Variants in SLC2A12 observed in about 807,000 individuals in gnomAD.
The protein encoded by SLC2A12 is solute carrier family 2 member 12, also known as solute carrier family 2, facilitated glucose transporter member 12.
SLC2A12 carries 23 observed loss-of-function variants against 41.8 expected under a neutral mutation model. That is an observed-to-expected ratio of 0.55 (90% CI 0.40 to 0.78). The LOEUF is 0.78. Among genes scored for constraint, SLC2A12 ranks in the 30% least tolerant of loss-of-function variants. SLC2A12 has a pLI of 0.00. For missense variants in SLC2A12, 654 were observed against 745.6 expected (o/e 0.88, Z 1.43); for synonymous variants, 295 against 285.9 (o/e 1.03, Z -0.32).
chr6:134,008,319 A>G (rs952306753), intron 2 of SLC2A12, among the ~76,000 whole-genome samples: 3 of 152,212 alleles, frequency 2.0e-5, no homozygotes, highest in African/African-American at 7.2e-5. Context: ...AGAAGAAAAA[A>G]CTAAATTGGA....
At chr6:134,032,150 T>A (rs769969095) in intron 1 of SLC2A12, among the ~76,000 whole-genome samples, 7 of 151,856 alleles carry the variant, frequency 4.6e-5, no homozygotes, top group Non-Finnish European at 1.0e-4. Context: ...CCACAAATAC[T>A]CAAGGTATTT....
At chr6:134,051,659 C>T (rs963310056) in intron 1 of SLC2A12, among the ~76,000 whole-genome samples, 2 of 152,122 alleles carry the variant, frequency 1.3e-5, no homozygotes, top group African/African-American at 4.8e-5. Context: ...GAAGACCAGC[C>T]TCTGATTTAT....
chr6:133,991,551 A>G (rs948089184), intron 4 of SLC2A12, among the ~76,000 whole-genome samples: 3 of 152,094 alleles, frequency 2.0e-5, no homozygotes, highest in Non-Finnish European at 4.4e-5. Context: ...CTCTGTGGGG[A>G]AGGATTCCAA....
At chr6:134,023,244 A>G (rs772573255) in intron 2 of SLC2A12, among the ~76,000 whole-genome samples, 2 of 152,216 alleles carry the variant, frequency 1.3e-5, no homozygotes, top group Non-Finnish European at 2.9e-5. Flanking sequence ...TGACTTCTGG[A>G]AGGGTATCCC....
chr6:134,002,186 T>A, intron 3 of SLC2A12, 57 bp from the exon 4 acceptor site: 1 of 1,560,312 alleles, frequency 6.4e-7, no homozygotes, highest in Non-Finnish European at 8.6e-7. Flanking sequence ...TTGATCCCAT[T>A]TGTGAACAGC....
chr6:134,040,076 T>C (rs1777362207), intron 1 of SLC2A12, among the ~76,000 whole-genome samples: 2 of 151,554 alleles, frequency 1.3e-5, no homozygotes, highest in Non-Finnish European at 2.9e-5. Flanking sequence ...TTTTTTGTTT[T>C]TTGTTTTTTG....
chr6:134,041,518 G>A (rs1385493677), intron 1 of SLC2A12, among the ~76,000 whole-genome samples: 1 of 152,072 alleles, frequency 6.6e-6, no homozygotes, highest in Non-Finnish European at 1.5e-5. Context: ...AGAAAGGGAA[G>A]TGATAATGAC....
chr6:134,047,676 C>T (rs1029358373), intron 1 of SLC2A12, among the ~76,000 whole-genome samples: 3 of 152,226 alleles, frequency 2.0e-5, no homozygotes, highest in Admixed American at 1.3e-4. Flanking sequence ...TACCACCAGG[C>T]CTATTCCTGG....
intron 1 of SLC2A12, among the ~76,000 whole-genome samples, chr6:134,036,120 T>C (rs1777294924): frequency 6.6e-6 from 1 of 152,262 alleles, no homozygotes; most frequent in African/African-American, 2.4e-5. Context: ...ACTTGCCAGC[T>C]GACTAAATCC....
intron 1 of SLC2A12, among the ~76,000 whole-genome samples, chr6:134,038,590 C>T (rs1413343849): frequency 6.6e-6 from 1 of 151,130 alleles, no homozygotes; most frequent in East Asian, 1.9e-4. Context: ...GCACACCTGG[C>T]CTCAAGTGAT....
At chr6:134,040,040 C>T (rs1375819746) in intron 1 of SLC2A12, among the ~76,000 whole-genome samples, 2 of 149,826 alleles carry the variant, frequency 1.3e-5, no homozygotes, top group African/African-American at 2.5e-5. Flanking sequence ...ATTATCCAAT[C>T]TCAGGTTGTT....
chr6:134,043,541 T>G (rs1251843778), intron 1 of SLC2A12, among the ~76,000 whole-genome samples: 1 of 152,072 alleles, frequency 6.6e-6, no homozygotes, highest in Non-Finnish European at 1.5e-5. Flanking sequence ...ACACGTGCAA[T>G]CCCAGCACTT....
chr6:133,994,022 G>A (rs528902208), intron 4 of SLC2A12, among the ~76,000 whole-genome samples: 1 of 152,214 alleles, frequency 6.6e-6, no homozygotes, highest in Admixed American at 6.5e-5. Context: ...TGATGGGAGG[G>A]GACAAAGGCA....
In SLC2A12 at chr6:134,006,858, G is replaced by A. The variant is rs1227393131; in HGVS notation, c.1521C>T (p.Asn507=). The A allele has an allele frequency of 6.2e-7, 1 of 1,614,188 alleles. No individual in the cohort carries two copies. Among genetic ancestry groups the A allele is most frequent in the East Asian group, 2.2e-5 (1 of 44,872 alleles). Residue 507 remains asparagine (N), a synonymous_variant, in exon 3 of 5, where the codon AAC becomes AAT. Transcript: ENST00000275230. The part of the protein sequence containing the change: ...GRAMALTSSM[N]WGINLLISLT... The stretch of plus-strand genomic sequence containing the variant: ...GCGAGATGAGGAGATTGATGCCCCA[G>A]TTCATGCTAGAAGTTAAAGCCATGG...
At chr6:134,017,337 C>T (rs936135922) in intron 2 of SLC2A12, among the ~76,000 whole-genome samples, 2 of 152,112 alleles carry the variant, frequency 1.3e-5, no homozygotes, top group African/African-American at 4.8e-5. Context: ...CAGAGTCATA[C>T]CAGAGGACAT....
At chr6:134,010,993 G>A (rs999966454) in intron 2 of SLC2A12, among the ~76,000 whole-genome samples, 3 of 152,058 alleles carry the variant, frequency 2.0e-5, no homozygotes, top group Non-Finnish European at 4.4e-5. Context: ...TTTGGCTTGA[G>A]TCCTTCCTAA....
chr6:134,051,057 G>A (rs1441610460), intron 1 of SLC2A12, among the ~76,000 whole-genome samples: 2 of 152,126 alleles, frequency 1.3e-5, no homozygotes, highest in Non-Finnish European at 2.9e-5. Context: ...TGAGATTACA[G>A]GCATGTGCCA....
intron 1 of SLC2A12, among the ~76,000 whole-genome samples, chr6:134,030,594 T>C (rs531705703): frequency 6.6e-5 from 10 of 152,032 alleles, no homozygotes; most frequent in African/African-American, 1.9e-4. Context: ...AAAATAGAAA[T>C]AAAACAAAAC....
intron 2 of SLC2A12, among the ~76,000 whole-genome samples, chr6:134,027,804 T>C (rs550126160): frequency 1.3e-5 from 2 of 152,350 alleles, no homozygotes; most frequent in Non-Finnish European, 2.9e-5. Context: ...TGTATTATGT[T>C]GAATGATAGC....
Sources: allele counts gnomAD v4.1 joint callset (sites outside exome capture counted in the v4.1 genomes callset), GRCh38; gene constraint gnomAD v4.1.1; transcripts MANE v1.5; gene names NCBI Gene and HGNC (gene_info 2026-07-23, HGNC 2026-07-21).